Variants in GMDS observed in about 807,000 individuals in gnomAD.
GMDS encodes GDP-mannose 4,6-dehydratase.
Under a neutral mutation model 49.9 loss-of-function variants are expected in GMDS, and 20 were observed. The observed-to-expected ratio is 0.40, with a 90% CI of 0.28 to 0.58. The LOEUF is 0.58. Among genes scored for constraint, GMDS ranks in the 20% least tolerant of loss-of-function variants. The pLI is 0.42. For missense variants in GMDS, 362 were observed against 481.4 expected (o/e 0.75, Z 2.32); for synonymous variants, 177 against 178.6 (o/e 0.99, Z 0.07).
intron 7 of GMDS, among the ~76,000 whole-genome samples, chr6:1,823,707 T>G (rs1256647623): frequency 6.6e-6 from 1 of 152,188 alleles, no homozygotes; most frequent in Non-Finnish European, 1.5e-5. Context: ...GCTTCAAATA[T>G]CTATGTTTTT....
intron 4 of GMDS, among the ~76,000 whole-genome samples, chr6:2,064,930 G>C (rs1034836102): frequency 2.6e-5 from 4 of 152,162 alleles, no homozygotes; most frequent in African/African-American, 9.7e-5. Flanking sequence ...GAACAAAAAA[G>C]TTAAGCAGCT....
intron 1 of GMDS, among the ~76,000 whole-genome samples, chr6:2,197,538 C>T (rs546799047): frequency 2.6e-5 from 4 of 152,184 alleles, no homozygotes; most frequent in Non-Finnish European, 2.9e-5. Flanking sequence ...TGACATTTCC[C>T]GTAAAAGGGC....
chr6:2,085,027 T>C (rs1248081141), intron 4 of GMDS, among the ~76,000 whole-genome samples: 2 of 152,158 alleles, frequency 1.3e-5, no homozygotes, highest in Non-Finnish European at 2.9e-5. Context: ...CAGTTTTTAC[T>C]AGACAAAGCA....
intron 6 of GMDS, among the ~76,000 whole-genome samples, chr6:1,938,130 A>G (rs1037442678): frequency 2.0e-5 from 3 of 152,222 alleles, no homozygotes; most frequent in Non-Finnish European, 2.9e-5. Flanking sequence ...ATAGCCAAAT[A>G]GGGTCTCCAT....
At chr6:2,221,296 T>A (rs760190774) in intron 1 of GMDS, among the ~76,000 whole-genome samples, 3 of 152,252 alleles carry the variant, frequency 2.0e-5, no homozygotes, top group Non-Finnish European at 2.9e-5. Context: ...GATTTATCCA[T>A]CTGTTTTGAC....
chr6:1,825,003 G>A (rs1771048014), intron 7 of GMDS, among the ~76,000 whole-genome samples: 1 of 152,118 alleles, frequency 6.6e-6, no homozygotes, highest in Admixed American at 6.5e-5. Context: ...CTAAATATGT[G>A]GTTATTTTTC....
chr6:2,111,260 T>C (rs1774531588), intron 4 of GMDS, among the ~76,000 whole-genome samples: 1 of 152,208 alleles, frequency 6.6e-6, no homozygotes, highest in Non-Finnish European at 1.5e-5. Context: ...CTCCATCAAA[T>C]GGGCAGGACT....
chr6:2,198,649 G>A (rs13206375), intron 1 of GMDS, among the ~76,000 whole-genome samples: 17,502 of 151,998 alleles, frequency 0.12, 3,399 homozygotes, highest in African/African-American at 0.4. Flanking sequence ...TTACTGCTAC[G>A]AGGTATTTTA....
chr6:1,751,222 C>CT (rs1767717207), intron 7 of GMDS, among the ~76,000 whole-genome samples: 1 of 152,228 alleles, frequency 6.6e-6, no homozygotes, highest in South Asian at 2.1e-4. Context: ...TTGAGCTCTG[C>CT]TAAGGGACAG....
At chr6:1,839,001 G>A (rs1240102756) in intron 7 of GMDS, among the ~76,000 whole-genome samples, 2 of 152,158 alleles carry the variant, frequency 1.3e-5, no homozygotes, top group African/African-American at 4.8e-5. Flanking sequence ...AACGACAAGT[G>A]TTTGACTAGG....
chr6:1,735,453 T>C (rs770571519), intron 8 of GMDS, among the ~76,000 whole-genome samples: 4 of 152,142 alleles, frequency 2.6e-5, no homozygotes, highest in Non-Finnish European at 5.9e-5. Context: ...TAGCACAGAC[T>C]AGGTGGAGGC....
chr6:1,906,565 C>T (rs1297816563), intron 7 of GMDS, among the ~76,000 whole-genome samples: 2 of 152,180 alleles, frequency 1.3e-5, no homozygotes, highest in African/African-American at 2.4e-5. Context: ...AGAAATCAAA[C>T]TCTTTTCACA....
intron 7 of GMDS, among the ~76,000 whole-genome samples, chr6:1,794,771 T>C (rs1769672928): frequency 6.6e-6 from 1 of 152,202 alleles, no homozygotes; most frequent in Admixed American, 6.5e-5. Flanking sequence ...CCCAAATATA[T>C]AAAAATCATA....
intron 9 of GMDS, among the ~76,000 whole-genome samples, chr6:1,693,664 C>T (rs1765246518): frequency 6.6e-6 from 1 of 152,178 alleles, no homozygotes; most frequent in Admixed American, 6.5e-5. Flanking sequence ...AAGTGGCTGT[C>T]TTAATGCTAG....
At chr6:2,212,165 G>C (rs901379323) in intron 1 of GMDS, among the ~76,000 whole-genome samples, 2 of 152,182 alleles carry the variant, frequency 1.3e-5, no homozygotes, top group Non-Finnish European at 2.9e-5. Flanking sequence ...ATAAAGAAAA[G>C]TTATACTACT....
chr6:1,835,782 T>C (rs542752574), intron 7 of GMDS, among the ~76,000 whole-genome samples: 8 of 152,190 alleles, frequency 5.3e-5, no homozygotes, highest in Non-Finnish European at 1.2e-4. Flanking sequence ...AAAAAATAAC[T>C]GTTAAATCAA....
intron 4 of GMDS, among the ~76,000 whole-genome samples, chr6:1,967,325 C>T (rs752580667): frequency 6.6e-6 from 1 of 152,160 alleles, no homozygotes; most frequent in Non-Finnish European, 1.5e-5. Context: ...CGGAAGCACG[C>T]CTTGGCACAG....
chr6:1,913,660 T>G (rs1761198898), intron 7 of GMDS, among the ~76,000 whole-genome samples: 1 of 152,156 alleles, frequency 6.6e-6, no homozygotes, highest in African/African-American at 2.4e-5. Context: ...GCCCATAGTA[T>G]AAGTTTTCCA....
chr6:1,800,118 C>CAT (rs1391593165), intron 7 of GMDS, among the ~76,000 whole-genome samples: 1 of 152,134 alleles, frequency 6.6e-6, no homozygotes, highest in Non-Finnish European at 1.5e-5. Context: ...TGATGATGCC[C>CAT]ATATGGTGGT....
Sources: allele counts gnomAD v4.1 joint callset (sites outside exome capture counted in the v4.1 genomes callset), GRCh38; gene constraint gnomAD v4.1.1; transcripts MANE v1.5; gene names NCBI Gene and HGNC (gene_info 2026-07-23, HGNC 2026-07-21).